C1orf167: variants seen among roughly 807,000 people sequenced by gnomAD.
C1orf167 encodes chromosome 1 open reading frame 167, also known as uncharacterized protein C1orf167.
Under a neutral mutation model 176.5 loss-of-function variants are expected in C1orf167, and 153 were observed. The observed-to-expected ratio is 0.87, with a 90% CI of 0.76 to 0.99. The LOEUF is 0.99. Among genes scored for constraint, C1orf167 ranks in the 50% least tolerant of loss-of-function variants. The probability of loss-of-function intolerance (pLI) is 0.00; values close to 1 mark genes in which losing one functional copy is unlikely to be tolerated. For synonymous variants in C1orf167, 594 were observed against 752.7 expected, an observed-to-expected ratio of 0.79 and a Z score of 3.45; for missense variants, 1,490 against 1,817.7, an observed-to-expected ratio of 0.82 and a Z score of 3.28.
In C1orf167 at chr1:11,775,559, G is replaced by T. The variant is rs1249707258; in HGVS notation, c.2113G>T (p.Glu705Ter). Reference protein sequence around the residue: ...EQWVRMKQLRESDGAKVTQLS... With the variant: ...EQWVRMKQLR The stretch of plus-strand genomic sequence containing the variant: ...GTGGGTGCGGATGAAGCAGCTCCGG[G>T]AATCAGATGGGGCAAAGGTGACCCA... The change falls in exon 9 of 21, where the codon GAA becomes TAA. Residue 705 changes from glutamate to a stop codon, truncating the protein, a stop_gained. Coordinates refer to ENST00000688073, the MANE Select transcript of C1orf167 (RefSeq NM_001010881.2). LOFTEE classifies it high-confidence loss of function. 3 of 1,304,236 alleles carry T rather than the reference G, an allele frequency of 2.3e-6. No homozygotes were observed. Among genetic ancestry groups the T allele is most frequent in the Non-Finnish European group, 3.0e-6 (3 of 988,930 alleles). The allele number at this position is 1,304,236 out of a possible 1,614,324, so 80.8% of individuals were successfully genotyped here.
Position 11,771,069 on chromosome 1 carries a change from ATTTTTT to A in C1orf167, c.1698-433_1698-428del, listed in dbSNP as rs147195468. 9.0e-3 allele frequency among the ~76,000 whole-genome samples: 423 copies of A among 47,132 alleles called. 10 individuals carry two copies. Among genetic ancestry groups the A allele is most frequent in the African/African-American group, 0.025 (257 of 10,134 alleles). The allele number at this position is 47,132 out of a possible 152,430, so 30.9% of individuals were successfully genotyped here. A position where few individuals can be genotyped will look rare whatever the true frequency, so the allele number is the denominator to read the frequency against. ...TGTGTGTATATATATATATATATATATTTTTTTTTTTTTTTTTTTTTTTTTTTGTAG... is the reference window on the plus strand; with the variant it reads ...TGTGTGTATATATATATATATATATATTTTTTTTTTTTTTTTTTTTTGTAG... On this transcript the variant is annotated intron_variant, in intron 6 of 20. Transcript: ENST00000688073.
At chr1:11,771,470 C>T (rs890241515) in intron 6 of C1orf167, 54 bp from the exon 7 acceptor site, 79 of 1,181,314 alleles carry the variant, frequency 6.7e-5, no homozygotes, top group Non-Finnish European at 7.9e-5. Context: ...AGGTTGGGAC[C>T]GAGTGCCCTT....
chr1:11,785,292 A>G lies in C1orf167; in HGVS notation c.3567+3A>G, dbSNP rs778397302. The G allele has an allele frequency of 2.7e-5, 35 of 1,284,788 alleles. No individual in the cohort carries two copies. In the South Asian group the frequency reaches 4.3e-4, roughly 16 times the overall value. 79.6% of individuals were successfully genotyped at this position (1,284,788 alleles called of 1,614,324 possible). A position where few individuals can be genotyped will look rare whatever the true frequency, so the allele number is the denominator to read the frequency against. On this transcript the variant is annotated splice_donor_region_variant and intron_variant, in intron 16 of 20. Transcript: ENST00000688073. ...TGGGACTGCCAGGGGCCGGCAAGGT[A>G]CGCCCCAAGCCCCAGACTGACCTCA...
At position 11,788,306 on chromosome 1, in the gene C1orf167, G is replaced by C. The variant is rs919982559; in HGVS notation, c.4006G>C (p.Gly1336Arg). The C allele has an allele frequency of 7.7e-7, 1 of 1,303,234 alleles. No homozygotes were observed. Among genetic ancestry groups the C allele is most frequent in the Non-Finnish European group, 1.0e-6 (1 of 988,354 alleles). The allele number at this position is 1,303,234 out of a possible 1,614,324, so 80.7% of individuals were successfully genotyped here. A position where few individuals can be genotyped will look rare whatever the true frequency, so the allele number is the denominator to read the frequency against. Residue 1336 changes from glycine (G) to arginine (R), a missense_variant, in exon 19 of 21, where the codon GGC (glycine) becomes CGC (arginine). Physicochemically the swap from Gly to Arg is moderately radical, Grantham distance 125 (BLOSUM62 -2). Coordinates refer to ENST00000688073, the MANE Select transcript of C1orf167 (RefSeq NM_001010881.2). ...TASRAAGFPA[G>R]QVPGSGMAAL... is the part of the protein sequence containing the mutation. Reference sequence around the variant, plus strand: ...TTCACGGGCTGCGGGGTTCCCAGCAGGCCAGGTGCCTGGCAGTGGCATGGC... The same window carrying C: ...TTCACGGGCTGCGGGGTTCCCAGCACGCCAGGTGCCTGGCAGTGGCATGGC...
At chr1:11,779,416 G>C (rs1413864019) in intron 12 of C1orf167, 1 of 219,230 alleles carries the variant, frequency 4.6e-6, no homozygotes, top group Non-Finnish European at 9.2e-6. Flanking sequence ...TAACTTCTCT[G>C]TGCCCTATTT....
In C1orf167 at chr1:11,789,530, CAG is replaced by C. The variant is rs964983847; in HGVS notation, c.*87_*88del. ...GCCCCACACATCCAGGGAGTGATGACAGAGGGGACAGCTTGAAGAGCTCTGAA... is the reference window on the plus strand; with the variant it reads ...GCCCCACACATCCAGGGAGTGATGACAGGGGACAGCTTGAAGAGCTCTGAA... On this transcript the variant is annotated 3_prime_UTR_variant, in exon 21 of 21. Coordinates refer to ENST00000688073, the MANE Select transcript of C1orf167 (RefSeq NM_001010881.2). 22 of 1,177,772 alleles carry C rather than the reference CAG, an allele frequency of 1.9e-5. No individual in the cohort carries two copies. The African/African-American group carries it at 2.1e-4, about 11-fold the overall frequency. 73.0% of individuals were successfully genotyped at this position (1,177,772 alleles called of 1,614,324 possible). A position where few individuals can be genotyped will look rare whatever the true frequency, so the allele number is the denominator to read the frequency against.
Position 11,787,353 on chromosome 1 carries a change from G to C in C1orf167, c.3568-35G>C, listed in dbSNP as rs564348925. 25 of 1,230,468 alleles carry C rather than the reference G, an allele frequency of 2.0e-5. 1 individual carries two copies. In the South Asian group the frequency reaches 3.0e-4, roughly 15 times the overall value. 76.2% of individuals were successfully genotyped at this position (1,230,468 alleles called of 1,614,324 possible). The stretch of plus-strand genomic sequence containing the variant: ...GGGGCCCCAGGAAGTCCAAGCCCAT[G>C]GGGTTCAGGTGCTCCTCTCTGGCTA... On this transcript the variant is annotated intron_variant, in intron 16 of 20. Coordinates refer to ENST00000688073, the MANE Select transcript of C1orf167 (RefSeq NM_001010881.2).
In C1orf167 at chr1:11,785,295, C is replaced by T. The variant is rs1212434788; in HGVS notation, c.3567+6C>T. 3 of 1,282,030 alleles carry T rather than the reference C, an allele frequency of 2.3e-6. No individual in the cohort carries two copies. The highest frequency in any genetic ancestry group is 2.0e-6 in the Non-Finnish European group (2 of 982,506). The allele number at this position is 1,282,030 out of a possible 1,614,324, so 79.4% of individuals were successfully genotyped here. On this transcript the variant is annotated splice_donor_region_variant and intron_variant, in intron 16 of 20. Transcript: ENST00000688073. ...GACTGCCAGGGGCCGGCAAGGTACG[C>T]CCCAAGCCCCAGACTGACCTCACGC...
At chr1:11,778,877 G>A (rs1643457885) in intron 11 of C1orf167, 49 bp from the exon 12 acceptor site, 1 of 1,293,898 alleles carries the variant, frequency 7.7e-7, no homozygotes, top group Admixed American at 2.3e-5. Flanking sequence ...TGGAGATTGT[G>A]GGAAGGGGAC....
rs1013410007 is a variant in C1orf167 at position 11,766,011 on chromosome 1, G to A, written c.225G>A (p.Leu75=). 7.8e-7 allele frequency: 1 copy of A among 1,289,592 alleles called. No individual in the cohort carries two copies. Among genetic ancestry groups the A allele is most frequent in the Non-Finnish European group, 1.0e-6 (1 of 988,810 alleles). The allele number at this position is 1,289,592 out of a possible 1,614,324, so 79.9% of individuals were successfully genotyped here. Residue 75 remains leucine (L), a synonymous_variant, in exon 3 of 21, where the codon CTG becomes CTA. Coordinates refer to ENST00000688073, the MANE Select transcript of C1orf167 (RefSeq NM_001010881.2). The surrounding 1 kb of genome is among the most constrained non-coding windows in gnomAD (Gnocchi z 4.5). ...DQEPCRVQTN[L]ASPGPRLGLA... is the part of the protein sequence containing the mutation. The stretch of plus-strand genomic sequence containing the variant: ...AGCCCTGCCGAGTCCAGACCAACCT[G>A]GCCAGCCCTGGTCCCCGCCTGGGCC...
At chr1:11,783,756 C>T (rs1435182039) in intron 14 of C1orf167, among the ~76,000 whole-genome samples, 2 of 152,164 alleles carry the variant, frequency 1.3e-5, no homozygotes, top group Non-Finnish European at 2.9e-5. Context: ...TGTTACTGGT[C>T]GTTTACTGTT....
In C1orf167 at chr1:11,768,291, GT is replaced by G; in HGVS notation, c.1542+18del. On this transcript the variant is annotated intron_variant, in intron 5 of 20. Transcript: ENST00000688073. The surrounding 1 kb of genome is among the most constrained non-coding windows in gnomAD (Gnocchi z 4.5). ...CTTCCGAGAGGTCAGCGGTCTCCAG[GT>G]TGGGCCAGGGGGCCGTGTGAAGCAG... is the stretch of plus-strand genomic sequence containing the variant. 7.8e-7 allele frequency: 1 copy of G among 1,289,514 alleles called. No homozygotes were observed. Among genetic ancestry groups the G allele is most frequent in the Non-Finnish European group, 1.0e-6 (1 of 988,542 alleles). 79.9% of individuals were successfully genotyped at this position (1,289,514 alleles called of 1,614,324 possible).
rs189349129 is a variant in C1orf167, at chr1:11,764,097, G to A, written c.-70-234G>A. On this transcript the variant is annotated intron_variant, in intron 1 of 20. Coordinates refer to ENST00000688073, the MANE Select transcript of C1orf167 (RefSeq NM_001010881.2). ...GTTCAGACCTGTATGCAGATCAGCC[G>A]AGAGGTCTGGGGGGCAGGATGGGGC... is the stretch of plus-strand genomic sequence containing the variant. 1.8e-4 allele frequency among the ~76,000 whole-genome samples: 28 copies of A among 152,248 alleles called. 1 individual carries two copies. The highest frequency in any genetic ancestry group is 1.2e-3 in the Admixed American group (18 of 15,288).
chr1:11,768,487 T>C lies in C1orf167; in HGVS notation c.1542+212T>C, dbSNP rs930217982. Among the ~76,000 whole-genome samples the C allele has an allele frequency of 1.8e-4, 27 of 152,182 alleles. No homozygotes were observed. Among genetic ancestry groups the C allele is most frequent in the African/African-American group, 6.5e-4 (27 of 41,444 alleles). On this transcript the variant is annotated intron_variant, in intron 5 of 20. Coordinates refer to ENST00000688073, the MANE Select transcript of C1orf167 (RefSeq NM_001010881.2). This position sits in a 1 kb window ranked among gnomAD's most constrained non-coding sequence, Gnocchi z 4.5. ...CTACCACTTTCTAGCTGCGTGACCT[T>C]GGGCAAGTTACCTAACCTCTCTGTG... is the stretch of plus-strand genomic sequence containing the variant.
At chr1:11,763,558 T>G (rs1642633340) in intron 1 of C1orf167, among the ~76,000 whole-genome samples, 1 of 152,234 alleles carries the variant, frequency 6.6e-6, no homozygotes, top group Non-Finnish European at 1.5e-5. Flanking sequence ...CAATATAACT[T>G]TATTCACATA....
At chr1:11,772,314 G>A in intron 8 of C1orf167, 55 bp downstream of exon 8, 1 of 1,250,696 alleles carries the variant, frequency 8.0e-7, no homozygotes, top group South Asian at 1.3e-5. Context: ...CACCTAGGCT[G>A]AAGTACAGTG....
intron 12 of C1orf167, chr1:11,779,576 A>G: frequency 3.2e-6 from 1 of 314,470 alleles, no homozygotes; most frequent in South Asian, 2.7e-5. Context: ...AGGACTTGGC[A>G]GTGGGGGTCT....
chr1:11,766,714 G>C lies in C1orf167; in HGVS notation c.928G>C (p.Glu310Gln), dbSNP rs1642815160. Reference sequence around the variant, plus strand: ...CCACAGGGAAACTGCGGCTTTCTTGGAGACCCCGGCTAGTCTCTCAGACTC... The same window carrying C: ...CCACAGGGAAACTGCGGCTTTCTTGCAGACCCCGGCTAGTCTCTCAGACTC... ...RGHRETAAFL[E>Q]TPASLSDSWA... is the part of the protein sequence containing the mutation. The change falls in exon 3 of 21, where the codon GAG becomes CAG. Residue 310 changes from glutamate to glutamine, a missense_variant. Glu to Gln is a conservative substitution (Grantham distance 29, BLOSUM62 2). Coordinates refer to ENST00000688073, the MANE Select transcript of C1orf167 (RefSeq NM_001010881.2). The surrounding 1 kb of genome is among the most constrained non-coding windows in gnomAD (Gnocchi z 4.5). The C allele has an allele frequency of 1.0e-5, 13 of 1,289,660 alleles. No individual in the cohort carries two copies. The highest frequency in any genetic ancestry group is 1.3e-5 in the Non-Finnish European group (13 of 988,870). 79.9% of individuals were successfully genotyped at this position (1,289,660 alleles called of 1,614,324 possible).
At chr1:11,767,685 G>T (rs1007301700) in intron 4 of C1orf167, among the ~76,000 whole-genome samples, 1 of 152,230 alleles carries the variant, frequency 6.6e-6, no homozygotes, top group East Asian at 1.9e-4. Context: ...AATCAGCCGG[G>T]TGGGGTGGTG....
Sources: gnomAD v4.1 joint callset for allele counts (sites outside exome capture counted in the v4.1 genomes callset) on GRCh38, gnomAD v4.1.1 for gene constraint, Gnocchi (gnomAD v3.1) non-coding constraint, MANE v1.5 for transcripts, NCBI Gene and HGNC (gene_info 2026-07-23, HGNC 2026-07-21) for gene names.